SFMBT2: variants seen among roughly 807,000 people sequenced by gnomAD.
The protein encoded by SFMBT2 is scm-like with four MBT domains protein 2.
Under a neutral mutation model 110.1 loss-of-function variants are expected in SFMBT2, and 38 were observed. That is an observed-to-expected ratio of 0.35 (90% confidence interval 0.27 to 0.45). SFMBT2 has a LOEUF of 0.45. SFMBT2 is among the 20% of genes least tolerant of loss of function. The probability of loss-of-function intolerance (pLI) is 1.00; values close to 1 mark genes in which losing one functional copy is unlikely to be tolerated. For synonymous variants in SFMBT2, 425 were observed against 425.4 expected (o/e 1.00, Z 0.01); for missense variants, 1,011 against 1,094.9 (o/e 0.92, Z 1.08).
intron 1 of SFMBT2, 29 bp from the exon 2 acceptor site, chr10:7,381,978 G>A: frequency 2.2e-6 from 3 of 1,351,398 alleles, no homozygotes; most frequent in South Asian, 1.6e-5. Flanking sequence ...AAAAAAATCA[G>A]AGCAGTTTAA....
At chr10:7,174,368 G>T (rs1837982238) in intron 17 of SFMBT2, among the ~76,000 whole-genome samples, 9 of 152,182 alleles carry the variant, frequency 5.9e-5, no homozygotes, top group Admixed American at 5.9e-4. Flanking sequence ...CTGGGGATGA[G>T]AACTGGTTTT....
intron 8 of SFMBT2, among the ~76,000 whole-genome samples, chr10:7,245,534 T>C (rs938036994): frequency 6.6e-6 from 1 of 152,222 alleles, no homozygotes; most frequent in Non-Finnish European, 1.5e-5. Context: ...TGAAGCACTG[T>C]TTTGTGCTCT....
chr10:7,386,476 C>T (rs1845608815), intron 1 of SFMBT2, among the ~76,000 whole-genome samples: 1 of 152,056 alleles, frequency 6.6e-6, no homozygotes, highest in African/African-American at 2.4e-5. Context: ...GGCATGGTGG[C>T]ACATGCCTGT....
intron 4 of SFMBT2, among the ~76,000 whole-genome samples, chr10:7,311,428 T>C (rs1842854904): frequency 6.6e-6 from 1 of 152,244 alleles, no homozygotes; most frequent in Admixed American, 6.5e-5. Flanking sequence ...ATTCACCTGC[T>C]AAGAATGTAA....
At chr10:7,276,248 G>A (rs997676229) in intron 7 of SFMBT2, among the ~76,000 whole-genome samples, 9 of 152,158 alleles carry the variant, frequency 5.9e-5, no homozygotes, top group Non-Finnish European at 1.3e-4. Context: ...GAACCACCAC[G>A]AGATGAGTCA....
intron 10 of SFMBT2, among the ~76,000 whole-genome samples, chr10:7,227,029 T>C (rs1271500604): frequency 6.6e-6 from 1 of 152,188 alleles, no homozygotes; most frequent in East Asian, 1.9e-4. Flanking sequence ...CCAATAACTC[T>C]GTAAGTACAC....
chr10:7,350,577 A>G (rs766502432), intron 4 of SFMBT2, among the ~76,000 whole-genome samples: 1 of 152,084 alleles, frequency 6.6e-6, no homozygotes, highest in Non-Finnish European at 1.5e-5. Context: ...AATATGTTTA[A>G]TTTTTGTGTA....
At chr10:7,366,043 G>A (rs1844886646) in intron 4 of SFMBT2, among the ~76,000 whole-genome samples, 1 of 152,142 alleles carries the variant, frequency 6.6e-6, no homozygotes. Context: ...AGGCAGCCAC[G>A]TGGTGCAGAT....
intron 4 of SFMBT2, among the ~76,000 whole-genome samples, chr10:7,308,624 T>C (rs1479394681): frequency 6.6e-6 from 1 of 152,092 alleles, no homozygotes; most frequent in East Asian, 1.9e-4. Flanking sequence ...GAATGTAAGG[T>C]GAATGGCAAT....
At chr10:7,391,381 G>A (rs552665745) in intron 1 of SFMBT2, among the ~76,000 whole-genome samples, 16 of 150,920 alleles carry the variant, frequency 1.1e-4, no homozygotes, top group Admixed American at 9.3e-4. Context: ...CAGGAGAATC[G>A]CTTGAACCCA....
chr10:7,401,611 T>C (rs530686114), intron 1 of SFMBT2, among the ~76,000 whole-genome samples: 17 of 152,344 alleles, frequency 1.1e-4, no homozygotes, highest in Middle Eastern at 3.4e-3. Flanking sequence ...CGCCTATTCA[T>C]GAACTCTGCC....
chr10:7,248,703 G>T, intron 7 of SFMBT2, 54 bp from the exon 8 acceptor site: 1 of 1,529,122 alleles, frequency 6.5e-7, no homozygotes, highest in South Asian at 1.1e-5. Flanking sequence ...AATGACCTCA[G>T]CCACTGTCCG....
intron 7 of SFMBT2, among the ~76,000 whole-genome samples, chr10:7,271,965 A>G (rs1249049661): frequency 1.3e-5 from 2 of 152,216 alleles, no homozygotes; most frequent in African/African-American, 2.4e-5. Flanking sequence ...TGGGAGCTAC[A>G]AGATGAGATT....
intron 4 of SFMBT2, among the ~76,000 whole-genome samples, chr10:7,305,684 A>C (rs1207378093): frequency 6.6e-6 from 1 of 152,242 alleles, no homozygotes; most frequent in East Asian, 1.9e-4. Flanking sequence ...TCAATACTGC[A>C]CCATTGACTT....
chr10:7,390,998 G>A (rs1009500661), intron 1 of SFMBT2, among the ~76,000 whole-genome samples: 3 of 151,994 alleles, frequency 2.0e-5, no homozygotes, highest in Admixed American at 6.6e-5. Context: ...TACTTGAGAG[G>A]CTGAGGCAGG....
At chr10:7,282,774 A>C (rs1276951322) in intron 6 of SFMBT2, among the ~76,000 whole-genome samples, 2 of 152,242 alleles carry the variant, frequency 1.3e-5, no homozygotes, top group Admixed American at 1.3e-4. Flanking sequence ...ACTCAACACT[A>C]ACATCGGCAA....
intron 20 of SFMBT2, among the ~76,000 whole-genome samples, chr10:7,165,297 T>C (rs2078262894): frequency 6.6e-6 from 1 of 152,232 alleles, no homozygotes; most frequent in Admixed American, 6.5e-5. Flanking sequence ...ATCATACGTC[T>C]CCGACAACAC....
intron 1 of SFMBT2, among the ~76,000 whole-genome samples, chr10:7,390,035 C>T (rs1221469094): frequency 6.6e-6 from 1 of 152,184 alleles, no homozygotes; most frequent in Non-Finnish European, 1.5e-5. Flanking sequence ...CCAAACATAA[C>T]TGGGGGCTCA....
intron 4 of SFMBT2, among the ~76,000 whole-genome samples, chr10:7,317,713 G>A (rs1453936935): frequency 6.6e-6 from 1 of 150,956 alleles, no homozygotes; most frequent in African/African-American, 2.4e-5. Flanking sequence ...CCACAGAGGA[G>A]AAGGTAAAAG....
Sources: gnomAD v4.1 joint callset for allele counts (sites outside exome capture counted in the v4.1 genomes callset) on GRCh38, gnomAD v4.1.1 for gene constraint, MANE v1.5 for transcripts, NCBI Gene and HGNC (gene_info 2026-07-23, HGNC 2026-07-21) for gene names.